DSCAML1: variants seen among roughly 807,000 people sequenced by gnomAD.
The protein encoded by DSCAML1 is cell adhesion molecule DSCAML1.
A neutral mutation model predicts 200.5 loss-of-function variants in DSCAML1; 38 were observed. The ratio of observed to expected loss-of-function variants is 0.19; its 90% CI spans 0.15 to 0.25. The LOEUF (loss-of-function observed/expected upper bound fraction) is 0.25. Ranked by LOEUF, DSCAML1 falls within the 10% of genes least tolerant of loss-of-function variation. The pLI is 1.00. For missense variants in DSCAML1, 2,223 were observed against 2,858.8 expected (o/e 0.78, Z 5.07); for synonymous variants, 1,215 against 1,165.0 (o/e 1.04, Z -0.87).
At chr11:117,652,635 A>T (rs970066525) in intron 3 of DSCAML1, among the ~76,000 whole-genome samples, 1 of 152,240 alleles carries the variant, frequency 6.6e-6, no homozygotes, top group African/African-American at 2.4e-5. Flanking sequence ...CCCTAGAGAC[A>T]CTTAGCTTCA....
chr11:117,723,980 A>G (rs986439615), intron 3 of DSCAML1, among the ~76,000 whole-genome samples: 2 of 152,254 alleles, frequency 1.3e-5, no homozygotes, highest in African/African-American at 4.8e-5. Context: ...GGAAGGGAGC[A>G]AAAGAGAGCT....
In DSCAML1 at chr11:117,553,233, T is replaced by C. The variant is rs143563953; in HGVS notation, c.512-20711A>G. On this transcript the variant is annotated intron_variant, in intron 3 of 32. Transcript: ENST00000651296. The stretch of plus-strand genomic sequence containing the variant: ...CATTACACTGGATCTGGCAACAATT[T>C]CTTGGATATGACACCAAAAGCACAG... Among the ~76,000 whole-genome samples, 625 of 152,318 alleles carry C rather than the reference T, an allele frequency of 4.1e-3. 5 individuals are homozygous for C. The highest frequency in any genetic ancestry group is 0.014 in the African/African-American group (602 of 41,570).
chr11:117,499,556 G>T (rs1250378725), intron 11 of DSCAML1, among the ~76,000 whole-genome samples: 1 of 152,210 alleles, frequency 6.6e-6, no homozygotes, highest in African/African-American at 2.4e-5. Flanking sequence ...AGCAGGTTCT[G>T]GCCTCAGCTG....
chr11:117,612,328 T>C (rs2051712232), intron 3 of DSCAML1, among the ~76,000 whole-genome samples: 1 of 152,144 alleles, frequency 6.6e-6, no homozygotes, highest in Non-Finnish European at 1.5e-5. Context: ...CCAGGCAACA[T>C]CATCAGACAA....
intron 1 of DSCAML1, among the ~76,000 whole-genome samples, chr11:117,802,810 C>A (rs1427174377): frequency 6.6e-6 from 1 of 152,142 alleles, no homozygotes; most frequent in Non-Finnish European, 1.5e-5. Flanking sequence ...CTAAAAGGAT[C>A]TGGATACATA....
intron 8 of DSCAML1, among the ~76,000 whole-genome samples, chr11:117,506,739 G>T (rs945383566): frequency 1.3e-5 from 2 of 151,910 alleles, no homozygotes; most frequent in Non-Finnish European, 2.9e-5. Context: ...TAAGAGACAG[G>T]TGTCATTATG....
intron 3 of DSCAML1, among the ~76,000 whole-genome samples, chr11:117,574,187 G>C (rs2050895080): frequency 6.6e-6 from 1 of 152,204 alleles, no homozygotes; most frequent in Non-Finnish European, 1.5e-5. Context: ...TTCTCCAGAA[G>C]AACAAATGGG....
intron 3 of DSCAML1, among the ~76,000 whole-genome samples, chr11:117,552,873 A>G (rs1591257622): frequency 1.3e-5 from 2 of 152,312 alleles, no homozygotes; most frequent in African/African-American, 2.4e-5. Context: ...TTCAACAGGC[A>G]CAGACCCGAG....
chr11:117,502,976 C>A (rs1048132107), intron 11 of DSCAML1, among the ~76,000 whole-genome samples: 2 of 152,156 alleles, frequency 1.3e-5, no homozygotes, highest in Non-Finnish European at 2.9e-5. Context: ...CACTCAGGCC[C>A]TTATAGCCAT....
At chr11:117,797,216 T>TGCG (rs758058343), upstream of DSCAML1, 8 of 1,491,618 alleles carry the variant, frequency 5.4e-6, no homozygotes, top group African/African-American at 7.3e-5. Context: ...AGCGCTCGGC[T>TGCG]GCGGCGGCGG....
At chr11:117,737,247 A>G (rs1453690529) in intron 3 of DSCAML1, among the ~76,000 whole-genome samples, 4 of 152,192 alleles carry the variant, frequency 2.6e-5, no homozygotes, top group African/African-American at 4.8e-5. Flanking sequence ...CATCCTTTCC[A>G]GTTATTCTAT....
At chr11:117,669,643 G>T (rs1314092054) in intron 3 of DSCAML1, among the ~76,000 whole-genome samples, 1 of 152,236 alleles carries the variant, frequency 6.6e-6, no homozygotes, top group Non-Finnish European at 1.5e-5. Flanking sequence ...AAACCAGGAA[G>T]AAAGTGAGAT....
chr11:117,531,372 G>A (rs1396291737), intron 4 of DSCAML1, among the ~76,000 whole-genome samples: 4 of 152,112 alleles, frequency 2.6e-5, no homozygotes, highest in Non-Finnish European at 5.9e-5. Context: ...ACCTCACAGG[G>A]CTATGACGGT....
At chr11:117,654,752 C>G (rs1371198287) in intron 3 of DSCAML1, among the ~76,000 whole-genome samples, 1 of 152,190 alleles carries the variant, frequency 6.6e-6, no homozygotes, top group Non-Finnish European at 1.5e-5. Flanking sequence ...CGGCCTTGTT[C>G]TCACCCAGGC....
At chr11:117,816,476 G>T (rs980615573) in intron 1 of DSCAML1, among the ~76,000 whole-genome samples, 1 of 152,192 alleles carries the variant, frequency 6.6e-6, no homozygotes, top group African/African-American at 2.4e-5. Flanking sequence ...CAGATTACCC[G>T]CCCCAGAGGC....
At position 117,437,897 on chromosome 11, in the gene DSCAML1, C is replaced by A; in HGVS notation, c.4430G>T (p.Arg1477Leu). 6.2e-7 allele frequency: 1 copy of A among 1,605,384 alleles called. No individual in the cohort carries two copies. The highest frequency in any genetic ancestry group is 8.5e-7 in the Non-Finnish European group (1 of 1,177,676). The change falls in exon 25 of 33, where the codon CGG (arginine) becomes CTG (leucine). Residue 1477 changes from arginine (R) to leucine (L), a missense_variant and splice_region_variant. Transcript: ENST00000651296. The surrounding 1 kb of genome is among the most constrained non-coding windows in gnomAD (Gnocchi z 5.3). ...TGCCCCAGTGGCCTGGGCCTCACCC[C>A]GCCCGTGGGTCTTGGCCTCGATGAT... ...SEIIEAKTHG[R>L]EPSFSKDQHL... is the part of the protein sequence containing the mutation.
chr11:117,581,164 C>T (rs531398700), intron 3 of DSCAML1, among the ~76,000 whole-genome samples: 2 of 152,308 alleles, frequency 1.3e-5, no homozygotes, highest in African/African-American at 4.8e-5. Context: ...TGCCTGTGCA[C>T]TTTGAGGCAG....
At chr11:117,681,153 C>T (rs1046148981) in intron 3 of DSCAML1, among the ~76,000 whole-genome samples, 2 of 152,176 alleles carry the variant, frequency 1.3e-5, no homozygotes, top group African/African-American at 2.4e-5. Context: ...CCCACCCACG[C>T]CCTCCAAGCT....
intron 8 of DSCAML1, among the ~76,000 whole-genome samples, chr11:117,515,286 C>G (rs922190656): frequency 2.6e-5 from 4 of 152,176 alleles, no homozygotes; most frequent in African/African-American, 9.7e-5. Flanking sequence ...CCCCTGTAGC[C>G]TGGTTTTCAC....
Sources: allele counts gnomAD v4.1 joint callset (sites outside exome capture counted in the v4.1 genomes callset), GRCh38; gene constraint gnomAD v4.1.1; non-coding constraint Gnocchi (gnomAD v3.1); transcripts MANE v1.5; gene names NCBI Gene and HGNC (gene_info 2026-07-23, HGNC 2026-07-21).